ZFHX3: variants seen among roughly 807,000 people sequenced by gnomAD.
ZFHX3 encodes the protein zinc finger homeobox protein 3.
A neutral mutation model predicts 279.1 loss-of-function variants in ZFHX3; 42 were observed. That is an observed-to-expected ratio of 0.15 (90% CI 0.12 to 0.19). ZFHX3 has a LOEUF of 0.19. Ranked by LOEUF, ZFHX3 falls within the 10% of genes least tolerant of loss-of-function variation. ZFHX3 has a pLI of 1.00. For synonymous variants in ZFHX3, 2,293 were observed against 1,957.8 expected (o/e 1.17, Z -4.52); for missense variants, 4,981 against 4,754.0 (o/e 1.05, Z -1.40).
intron 8 of ZFHX3, chr16:73,081,628 C>T (rs1473397519): frequency 6.6e-6 from 1 of 152,176 alleles, no homozygotes; most frequent in African/African-American, 2.4e-5. Flanking sequence ...CTCTATTTCC[C>T]TGTTCCACTG....
intron 3 of ZFHX3, among the ~76,000 whole-genome samples, chr16:73,405,584 T>G (rs1266734796): frequency 7.4e-6 from 1 of 134,764 alleles, no homozygotes; most frequent in Admixed American, 7.6e-5. Flanking sequence ...TTAGTTTTTT[T>G]GTTTTTTGTT....
chr16:72,951,800 T>C (rs1961013283), intron 2 of ZFHX3, among the ~76,000 whole-genome samples: 4 of 152,210 alleles, frequency 2.6e-5, no homozygotes, highest in Admixed American at 2.6e-4. Flanking sequence ...TATGGCTGTG[T>C]CATCTGGTGC....
chr16:73,072,427 AGAGT>A (rs1229126778), intron 8 of ZFHX3, among the ~76,000 whole-genome samples: 2 of 146,734 alleles, frequency 1.4e-5, no homozygotes, highest in Admixed American at 6.9e-5. Context: ...CTGAGCAACA[AGAGT>A]GAAACTCCGT....
At position 73,048,114 on chromosome 16, in the gene ZFHX3, T is replaced by A. The variant is rs1281839605; in HGVS notation, c.-412A>T. 2 of 152,482 alleles carry A rather than the reference T, an allele frequency of 1.3e-5. No individual in the cohort carries two copies. Among genetic ancestry groups the A allele is most frequent in the African/African-American group, 4.8e-5 (2 of 41,294 alleles). 9.4% of individuals were successfully genotyped at this position (152,482 alleles called of 1,614,324 possible). A position where few individuals can be genotyped will look rare whatever the true frequency, so the allele number is the denominator to read the frequency against. ...CTCCTCTGCCGCCGCCCGCCCGGAA[T>A]CGCTTTATGTAAATGAAGCCCAACT... On this transcript the variant is annotated 5_prime_UTR_variant, in exon 1 of 10. Transcript: ENST00000268489.
intron 4 of ZFHX3, among the ~76,000 whole-genome samples, chr16:72,868,313 A>T (rs972686720): frequency 1.3e-5 from 2 of 152,054 alleles, no homozygotes; most frequent in Admixed American, 1.3e-4. Flanking sequence ...CCACTTGGAG[A>T]ATCAGCGCCT....
intron 5 of ZFHX3, among the ~76,000 whole-genome samples, chr16:73,228,866 C>T (rs1479253239): frequency 6.6e-6 from 1 of 152,110 alleles, no homozygotes; most frequent in East Asian, 1.9e-4. Flanking sequence ...GCGTAATAAA[C>T]AGGAGATAAG....
intron 1 of ZFHX3, among the ~76,000 whole-genome samples, chr16:73,795,689 G>C (rs1469807578): frequency 6.6e-6 from 1 of 152,164 alleles, no homozygotes; most frequent in Non-Finnish European, 1.5e-5. Context: ...AGAATGACCT[G>C]TTCCCTGATT....
chr16:73,891,780 C>CTCTCTCT (rs2030547941), exon 1 of ZFHX3: 1 of 150,740 alleles, frequency 6.6e-6, no homozygotes, highest in African/African-American at 2.5e-5. Context: ...CTCTCTTCCT[C>CTCTCTCT]CTCCTCTTTC....
intron 3 of ZFHX3, among the ~76,000 whole-genome samples, chr16:73,402,676 A>ATG (rs781083436): frequency 1.7e-4 from 26 of 152,170 alleles, no homozygotes; most frequent in Non-Finnish European, 3.5e-4. Flanking sequence ...TCCTTAACTT[A>ATG]TAAGAGTTTG....
At chr16:73,879,863 T>A (rs1440564694) in intron 1 of ZFHX3, among the ~76,000 whole-genome samples, 1 of 151,990 alleles carries the variant, frequency 6.6e-6, no homozygotes, top group East Asian at 1.9e-4. Context: ...CAACAAGGTC[T>A]CCAGACATTG....
chr16:73,676,001 C>A (rs1471911833), intron 2 of ZFHX3, among the ~76,000 whole-genome samples: 1 of 152,014 alleles, frequency 6.6e-6, no homozygotes, highest in Non-Finnish European at 1.5e-5. Context: ...ACTCAGAAAA[C>A]GTACCAACCA....
chr16:73,776,752 T>A (rs922742417), intron 1 of ZFHX3, among the ~76,000 whole-genome samples: 1 of 152,130 alleles, frequency 6.6e-6, no homozygotes, highest in South Asian at 2.1e-4. Flanking sequence ...AAACTGTAAA[T>A]CTCAGCCATG....
chr16:73,351,795 T>C (rs2016247142), intron 3 of ZFHX3, among the ~76,000 whole-genome samples: 1 of 152,110 alleles, frequency 6.6e-6, no homozygotes, highest in African/African-American at 2.4e-5. Context: ...GGGGGGCAGG[T>C]CCATGGGGGT....
At chr16:73,660,851 T>C (rs895026614) in intron 2 of ZFHX3, among the ~76,000 whole-genome samples, 2 of 152,226 alleles carry the variant, frequency 1.3e-5, no homozygotes, top group African/African-American at 2.4e-5. Flanking sequence ...TTTTGTTAGT[T>C]AACTTCATGC....
At chr16:73,087,566 C>T (rs1166480638) in intron 8 of ZFHX3, among the ~76,000 whole-genome samples, 1 of 152,136 alleles carries the variant, frequency 6.6e-6, no homozygotes, top group Non-Finnish European at 1.5e-5. Flanking sequence ...CAAGATGTCC[C>T]CTGAGAGATG....
intron 1 of ZFHX3, among the ~76,000 whole-genome samples, chr16:73,020,004 T>G (rs1964246118): frequency 6.6e-6 from 1 of 152,154 alleles, no homozygotes; most frequent in Non-Finnish European, 1.5e-5. Flanking sequence ...ATGGGAACTA[T>G]CACCATTCGT....
intron 5 of ZFHX3, among the ~76,000 whole-genome samples, chr16:73,184,560 T>C (rs8060958): frequency 0.95 from 144,520 of 152,198 alleles, 69,078 homozygotes; most frequent in Non-Finnish European, 0.99. Context: ...CGTGAGCCTG[T>C]GGGGCAGGTG....
chr16:73,488,388 G>C (rs558164932), intron 2 of ZFHX3, among the ~76,000 whole-genome samples: 1 of 152,170 alleles, frequency 6.6e-6, no homozygotes, highest in African/African-American at 2.4e-5. Context: ...AAAGGAAGGC[G>C]AGAGTGATGG....
chr16:73,629,160 T>G (rs1226748129), intron 2 of ZFHX3, among the ~76,000 whole-genome samples: 3 of 152,204 alleles, frequency 2.0e-5, no homozygotes, highest in Non-Finnish European at 4.4e-5. Flanking sequence ...GTGTCATCTG[T>G]GTGTGTGCAC....
Sources: gnomAD v4.1 joint callset for allele counts (sites outside exome capture counted in the v4.1 genomes callset) on GRCh38, gnomAD v4.1.1 for gene constraint, MANE v1.5 for transcripts, NCBI Gene and HGNC (gene_info 2026-07-23, HGNC 2026-07-21) for gene names.